LRTM1: variants seen among roughly 807,000 people sequenced by gnomAD.
LRTM1 encodes the protein leucine rich repeat transmembrane protein 1, also known as leucine-rich repeat and transmembrane domain-containing protein 1.
In LRTM1, 38 loss-of-function variants were observed where a neutral mutation model predicts 32.4. The ratio of observed to expected loss-of-function variants is 1.17; its 90% CI spans 0.91 to 1.54. The LOEUF (loss-of-function observed/expected upper bound fraction) is 1.54, where lower values mean the gene tolerates loss of function less well. Among genes scored for constraint, LRTM1 ranks in the 40% most tolerant of loss-of-function variants. The probability of loss-of-function intolerance (pLI) is 0.00; values close to 1 mark genes in which losing one functional copy is unlikely to be tolerated. For synonymous variants in LRTM1, 186 were observed against 169.9 expected, an observed-to-expected ratio of 1.09 and a Z score of -0.74; for missense variants, 466 against 415.4, an observed-to-expected ratio of 1.12 and a Z score of -1.06.
chr3:54,932,367 G>A (rs1255014634), upstream of LRTM1, among the ~76,000 whole-genome samples: 1 of 152,126 alleles, frequency 6.6e-6, no homozygotes, highest in Non-Finnish European at 1.5e-5. Flanking sequence ...TGGTTTGTCT[G>A]AAAATGGAAT....
chr3:54,938,983 G>C (rs956114651), intron 1 of LRTM1, among the ~76,000 whole-genome samples: 2 of 152,152 alleles, frequency 1.3e-5, no homozygotes, highest in African/African-American at 2.4e-5. Context: ...GATCTGAAAA[G>C]GGTAGCACAC....
chr3:54,947,707 G>A (rs1701649779), intron 1 of LRTM1, among the ~76,000 whole-genome samples: 1 of 152,126 alleles, frequency 6.6e-6, no homozygotes, highest in Non-Finnish European at 1.5e-5. Flanking sequence ...TATCAGTCAG[G>A]ACTCGGTCTT....
intron 1 of LRTM1, 41 bp downstream of exon 1, chr3:54,927,864 C>T (rs1481636571): frequency 3.7e-6 from 6 of 1,611,528 alleles, no homozygotes; most frequent in Non-Finnish European, 5.1e-6. Flanking sequence ...CATCTTTCTC[C>T]CAGACAAGAA....
intron 1 of LRTM1, among the ~76,000 whole-genome samples, chr3:54,949,654 G>A (rs1701706249): frequency 6.6e-6 from 1 of 152,200 alleles, no homozygotes; most frequent in African/African-American, 2.4e-5. Flanking sequence ...GCCTAATTGT[G>A]TTGCAAACAG....
rs1443238159 is a variant in LRTM1 at position 54,918,321 on chromosome 3, CTTTTTTTTTTCTTTTTTTTT to C, written c.*118_*137del. On this transcript the variant is annotated 3_prime_UTR_variant, in exon 3 of 3. Transcript: ENST00000273286. ...CCAGAAATATTTTTTACAGACACAT[CTTTTTTTTTTCTTTTTTTTT>C]TTTTTTTTTTTTTTGTCTTTTGGCA... The C allele has an allele frequency of 1.5e-5, 6 of 394,440 alleles. No homozygotes were observed. Among genetic ancestry groups the C allele is most frequent in the Admixed American group, 4.2e-5 (1 of 23,732 alleles). The allele number at this position is 394,440 out of a possible 1,614,324, so 24.4% of individuals were successfully genotyped here.
upstream of LRTM1, among the ~76,000 whole-genome samples, chr3:54,928,987 C>G (rs1701109574): frequency 1.3e-5 from 2 of 152,150 alleles, no homozygotes; most frequent in South Asian, 4.2e-4. Flanking sequence ...ACCCCTGAAG[C>G]TGCCCTTCTA....
chr3:54,951,186 C>A (rs1425787191), intron 1 of LRTM1, among the ~76,000 whole-genome samples: 1 of 152,046 alleles, frequency 6.6e-6, no homozygotes, highest in African/African-American at 2.4e-5. Context: ...CAAGATAATA[C>A]AGAATAAAGT....
At chr3:54,949,480 G>A (rs193118217) in intron 1 of LRTM1, among the ~76,000 whole-genome samples, 7 of 152,224 alleles carry the variant, frequency 4.6e-5, no homozygotes, top group African/African-American at 7.2e-5. Flanking sequence ...TCTTTGGATC[G>A]TTCATTATTG....
intron 1 of LRTM1, among the ~76,000 whole-genome samples, chr3:54,927,525 C>T (rs1218986988): frequency 6.6e-6 from 1 of 152,144 alleles, no homozygotes; most frequent in Admixed American, 6.5e-5. Flanking sequence ...AACATGTTTG[C>T]CGCAGAATCC....
chr3:54,923,243 C>T (rs1204191649), intron 2 of LRTM1, among the ~76,000 whole-genome samples: 4 of 152,292 alleles, frequency 2.6e-5, no homozygotes, highest in African/African-American at 9.6e-5. Context: ...ATCTGACCCC[C>T]AAGTACTGGT....
At chr3:54,922,984 T>A (rs1700897426) in intron 2 of LRTM1, among the ~76,000 whole-genome samples, 1 of 152,168 alleles carries the variant, frequency 6.6e-6, no homozygotes, top group African/African-American at 2.4e-5. Context: ...TCCAAGTATC[T>A]CCCAGCATTG....
rs1415214793 is a variant in LRTM1 at position 54,925,148 on chromosome 3, A to G, written c.75T>C (p.Cys25=). The part of the protein sequence containing the change: ...LQVVCSCPDK[C]YCQSSTNFVD... ...CAAAATTTGTAGATGACTGACAGTAACACTTGTCCGGGCAGCTGCATACCA... is the reference window on the plus strand; with the variant it reads ...CAAAATTTGTAGATGACTGACAGTAGCACTTGTCCGGGCAGCTGCATACCA... The change falls in exon 2 of 3, where the codon TGT becomes TGC. Residue 25 remains cysteine, a synonymous_variant. Coordinates refer to ENST00000273286, the MANE Select transcript of LRTM1 (RefSeq NM_020678.4). 6.2e-7 allele frequency: 1 copy of G among 1,613,980 alleles called. No individual in the cohort carries two copies. Among genetic ancestry groups the G allele is most frequent in the African/African-American group, 1.3e-5 (1 of 74,920 alleles).
intron 1 of LRTM1, among the ~76,000 whole-genome samples, chr3:54,936,882 A>G (rs1022333990): frequency 3.3e-5 from 5 of 152,136 alleles, no homozygotes; most frequent in African/African-American, 1.2e-4. Context: ...TGTGATTCTA[A>G]TGAGGGCTGA....
intron 1 of LRTM1, among the ~76,000 whole-genome samples, chr3:54,934,260 T>A (rs1009929738): frequency 6.6e-6 from 1 of 152,250 alleles, no homozygotes; most frequent in African/African-American, 2.4e-5. Context: ...AACCCATTCT[T>A]TTGACATTAA....
At chr3:54,942,173 G>T (rs1049410538) in intron 1 of LRTM1, among the ~76,000 whole-genome samples, 2 of 152,168 alleles carry the variant, frequency 1.3e-5, no homozygotes, top group Middle Eastern at 3.2e-3. Flanking sequence ...TCTGCAACAG[G>T]GCAGTGATAC....
intron 1 of LRTM1, among the ~76,000 whole-genome samples, chr3:54,939,636 A>G (rs781350035): frequency 1.3e-5 from 2 of 152,236 alleles, no homozygotes; most frequent in Non-Finnish European, 2.9e-5. Context: ...AACCTGGTCC[A>G]TCCCCCAGAA....
intron 1 of LRTM1, among the ~76,000 whole-genome samples, chr3:54,926,906 T>G (rs1701039342): frequency 6.6e-6 from 1 of 152,104 alleles, no homozygotes; most frequent in African/African-American, 2.4e-5. Context: ...GGAGATTAAG[T>G]TCACATTTTC....
intron 1 of LRTM1, among the ~76,000 whole-genome samples, chr3:54,953,574 A>AAGCC (rs1038067241): frequency 9.8e-5 from 15 of 152,312 alleles, no homozygotes; most frequent in Admixed American, 9.8e-4. Flanking sequence ...TATTCTCTCA[A>AAGCC]AGCCACTTCT....
intron 1 of LRTM1, among the ~76,000 whole-genome samples, chr3:54,937,393 A>C (rs946568640): frequency 6.6e-6 from 1 of 152,236 alleles, no homozygotes; most frequent in Admixed American, 6.5e-5. Flanking sequence ...GATTGGTTCC[A>C]GCAATCTGTG....
Sources: gnomAD v4.1 joint callset for allele counts (sites outside exome capture counted in the v4.1 genomes callset) on GRCh38, gnomAD v4.1.1 for gene constraint, MANE v1.5 for transcripts, NCBI Gene and HGNC (gene_info 2026-07-23, HGNC 2026-07-21) for gene names.